Variants in ARHGAP6 observed in about 807,000 individuals in gnomAD.
The protein encoded by ARHGAP6 is Rho GTPase activating protein 6, also known as rho GTPase-activating protein 6.
In ARHGAP6, 16 loss-of-function variants were observed where a neutral mutation model predicts 55.7. That is an observed-to-expected ratio of 0.29 (90% CI 0.19 to 0.44). The LOEUF is 0.44. ARHGAP6 is among the 20% of genes least tolerant of loss of function. The pLI is 1.00. For synonymous variants in ARHGAP6, 382 were observed against 360.9 expected, an observed-to-expected ratio of 1.06 and a Z score of -0.66; for missense variants, 698 against 808.9, an observed-to-expected ratio of 0.86 and a Z score of 1.66.
intron 1 of ARHGAP6, among the ~76,000 whole-genome samples, chrX:11,470,295 G>A (rs2050335134): frequency 8.9e-6 from 1 of 111,887 alleles, no homozygotes; most frequent in Non-Finnish European, 1.9e-5. Context: ...ATGACTGGCT[G>A]ATGGGTTCCC....
At chrX:11,496,112 A>T (rs2050619502) in intron 1 of ARHGAP6, among the ~76,000 whole-genome samples, 1 of 112,652 alleles carries the variant, frequency 8.9e-6, no homozygotes, top group Admixed American at 9.4e-5. Context: ...CTTCTGAAGC[A>T]AAGAAATCAG....
At chrX:11,197,129 C>T (rs1372544632) in intron 2 of ARHGAP6, 133 bp from the exon 3 acceptor site, 6 of 428,556 alleles carry the variant, frequency 1.4e-5, no homozygotes, top group Non-Finnish European at 2.4e-5. Flanking sequence ...AGCAGAGTAA[C>T]AGCTCTGAGA....
At chrX:11,441,148 G>A in intron 1 of ARHGAP6, among the ~76,000 whole-genome samples, 1 of 111,671 alleles carries the variant, frequency 9.0e-6, no homozygotes, top group South Asian at 3.8e-4. Context: ...ATATATCAAA[G>A]GCCCTCCTAC....
intron 11 of ARHGAP6, 106 bp downstream of exon 11, chrX:11,143,874 T>A (rs780138216): frequency 1.2e-5 from 14 of 1,197,725 alleles, no homozygotes; most frequent in Non-Finnish European, 1.6e-5. Context: ...AAACATCAAA[T>A]AAGGGAGAGA....
intron 1 of ARHGAP6, among the ~76,000 whole-genome samples, chrX:11,523,475 T>A (rs1259223376): frequency 9.0e-6 from 1 of 111,540 alleles, no homozygotes. Flanking sequence ...TGATTGTATA[T>A]CTAGAATATC....
chrX:11,662,269 T>G (rs1223843433), intron 1 of ARHGAP6, among the ~76,000 whole-genome samples: 1 of 111,944 alleles, frequency 8.9e-6, no homozygotes, highest in African/African-American at 3.2e-5. Context: ...CTTTGAAAGG[T>G]AATCCAGGCC....
intron 1 of ARHGAP6, among the ~76,000 whole-genome samples, chrX:11,633,495 T>A (rs750181803): frequency 4.7e-4 from 53 of 112,009 alleles, no homozygotes; most frequent in African/African-American, 1.7e-3. Flanking sequence ...ATTTTTAGCA[T>A]CACTCCACTA....
At chrX:11,322,075 T>C (rs1245148686) in intron 1 of ARHGAP6, among the ~76,000 whole-genome samples, 2 of 112,182 alleles carry the variant, frequency 1.8e-5, no homozygotes, top group Admixed American at 1.9e-4. Flanking sequence ...TTGCAAAATG[T>C]CCCAAATCTG....
chrX:11,351,500 T>TC, intron 1 of ARHGAP6: 1 of 938,643 alleles, frequency 1.1e-6, no homozygotes, highest in Non-Finnish European at 1.3e-6. Context: ...CTCCATCTCG[T>TC]CCTGCTGGAT....
At chrX:11,464,542 T>G (rs12009481) in intron 1 of ARHGAP6, among the ~76,000 whole-genome samples, 28 of 112,369 alleles carry the variant, frequency 2.5e-4, no homozygotes, top group African/African-American at 9.0e-4. Context: ...TTAACAAACC[T>G]TGGCCAAACC....
At chrX:11,140,734 C>T (rs1181497501) in intron 12 of ARHGAP6, among the ~76,000 whole-genome samples, 3 of 111,788 alleles carry the variant, frequency 2.7e-5, no homozygotes, top group African/African-American at 6.5e-5. Flanking sequence ...TGCCCCATTT[C>T]GGAGTTGTTA....
chrX:11,534,173 A>G (rs1288390143), intron 1 of ARHGAP6, among the ~76,000 whole-genome samples: 1 of 111,879 alleles, frequency 8.9e-6, no homozygotes, highest in Non-Finnish European at 1.9e-5. Flanking sequence ...ACTTAGATTC[A>G]AAATGGAGAT....
At chrX:11,422,230 G>A (rs1311609151) in intron 1 of ARHGAP6, among the ~76,000 whole-genome samples, 1 of 110,401 alleles carries the variant, frequency 9.1e-6, no homozygotes, top group Non-Finnish European at 1.9e-5. Flanking sequence ...CAGGAAAGGC[G>A]ACATTTTTCC....
At chrX:11,657,715 G>A (rs2052653901) in intron 1 of ARHGAP6, among the ~76,000 whole-genome samples, 1 of 108,091 alleles carries the variant, frequency 9.3e-6, no homozygotes, top group Non-Finnish European at 1.9e-5. Context: ...AGGGATGATG[G>A]TTGAAGTCAC....
chrX:11,566,362 A>G (rs2051441449), intron 1 of ARHGAP6, among the ~76,000 whole-genome samples: 1 of 112,293 alleles, frequency 8.9e-6, no homozygotes, highest in South Asian at 3.7e-4. Context: ...AGAAGACCAG[A>G]CTTAGGACAA....
intron 1 of ARHGAP6, among the ~76,000 whole-genome samples, chrX:11,584,897 T>C (rs1480382889): frequency 8.9e-6 from 1 of 111,751 alleles, no homozygotes; most frequent in Non-Finnish European, 1.9e-5. Flanking sequence ...GGGAAATCAG[T>C]GTCATGGAGG....
At chrX:11,362,434 T>C (rs188856630) in intron 1 of ARHGAP6, among the ~76,000 whole-genome samples, 10 of 109,659 alleles carry the variant, frequency 9.1e-5, no homozygotes, top group African/African-American at 3.3e-4. Context: ...AAGTTCTCAC[T>C]CATAGATGGG....
At chrX:11,583,764 A>G (rs941689341) in intron 1 of ARHGAP6, among the ~76,000 whole-genome samples, 5 of 111,062 alleles carry the variant, frequency 4.5e-5, no homozygotes, top group Non-Finnish European at 5.7e-5. Context: ...TTTATATTAA[A>G]GATGGAGGAA....
intron 1 of ARHGAP6, among the ~76,000 whole-genome samples, chrX:11,588,780 G>C (rs1364622740): frequency 9.0e-6 from 1 of 111,484 alleles, no homozygotes; most frequent in Non-Finnish European, 1.9e-5. Flanking sequence ...ACGGAATGAG[G>C]GGTGGCTGCT....
Sources: allele counts gnomAD v4.1 joint callset (sites outside exome capture counted in the v4.1 genomes callset), GRCh38; gene constraint gnomAD v4.1.1; transcripts MANE v1.5; gene names NCBI Gene and HGNC (gene_info 2026-07-23, HGNC 2026-07-21).